Variants in FOXP2 observed in about 807,000 individuals in gnomAD.
FOXP2 encodes forkhead box protein P2.
FOXP2 carries 12 observed loss-of-function variants against 115.8 expected under a neutral mutation model. That is an observed-to-expected ratio of 0.10 (90% CI 0.07 to 0.17). The LOEUF is 0.17. Ranked by LOEUF, FOXP2 falls within the 10% of genes least tolerant of loss-of-function variation. FOXP2 has a pLI of 1.00. For missense variants in FOXP2, 629 were observed against 843.5 expected (o/e 0.75, Z 3.15); for synonymous variants, 328 against 297.7 (o/e 1.10, Z -1.05).
chr7:114,519,300 G>A (rs541294028), intron 2 of FOXP2, among the ~76,000 whole-genome samples: 71 of 152,274 alleles, frequency 4.7e-4, no homozygotes, highest in Admixed American at 6.5e-4. Context: ...TGGAATCACA[G>A]GAAGGTCCTG....
At chr7:114,254,692 G>A (rs924869261) in intron 1 of FOXP2, among the ~76,000 whole-genome samples, 8 of 152,074 alleles carry the variant, frequency 5.3e-5, no homozygotes, top group African/African-American at 1.7e-4. Flanking sequence ...TTAGCCATTC[G>A]TCTAATCTTT....
intron 16 of FOXP2, among the ~76,000 whole-genome samples, chr7:114,683,446 A>G (rs1393215331): frequency 1.3e-5 from 2 of 152,226 alleles, no homozygotes; most frequent in Non-Finnish European, 2.9e-5. Flanking sequence ...GTATGCAGAC[A>G]CTTGGACAGT....
intron 2 of FOXP2, among the ~76,000 whole-genome samples, chr7:114,385,660 C>T (rs904493986): frequency 1.3e-5 from 2 of 152,200 alleles, no homozygotes; most frequent in Non-Finnish European, 2.9e-5. Flanking sequence ...TCATTTTTAA[C>T]TGGCCAACAG....
chr7:114,163,982 TAA>T (rs1792905172), intron 1 of FOXP2, among the ~76,000 whole-genome samples: 3 of 152,312 alleles, frequency 2.0e-5, no homozygotes, highest in Admixed American at 6.5e-5. Flanking sequence ...AATGAAAACT[TAA>T]TAAAGTTGAC....
chr7:114,222,122 A>T (rs1273976911), intron 1 of FOXP2, among the ~76,000 whole-genome samples: 1 of 152,202 alleles, frequency 6.6e-6, no homozygotes, highest in Non-Finnish European at 1.5e-5. Flanking sequence ...GTTGTTTGAT[A>T]GTAATCCTGA....
chr7:114,641,108 T>C (rs1166577155), intron 6 of FOXP2, among the ~76,000 whole-genome samples: 1 of 152,206 alleles, frequency 6.6e-6, no homozygotes, highest in Non-Finnish European at 1.5e-5. Context: ...ATCACAACTT[T>C]ACCACGTAGA....
At chr7:114,097,288 C>T (rs1799673419) in intron 1 of FOXP2, among the ~76,000 whole-genome samples, 2 of 152,122 alleles carry the variant, frequency 1.3e-5, no homozygotes, top group Non-Finnish European at 2.9e-5. Context: ...TTATTCAACC[C>T]TTCCTCCCAC....
At chr7:114,332,249 T>G (rs1180057197) in intron 2 of FOXP2, among the ~76,000 whole-genome samples, 1 of 152,330 alleles carries the variant, frequency 6.6e-6, no homozygotes, top group East Asian at 1.9e-4. Context: ...TTAAATAATT[T>G]GGTTGACAAA....
chr7:114,159,511 A>T (rs1346159108), upstream of FOXP2, among the ~76,000 whole-genome samples: 1 of 152,154 alleles, frequency 6.6e-6, no homozygotes, highest in East Asian at 1.9e-4. Context: ...AGAAAAAAAC[A>T]GTAATTTATT....
At chr7:114,581,197 ATTTT>A (rs1285577535) in intron 3 of FOXP2, among the ~76,000 whole-genome samples, 1 of 118,870 alleles carries the variant, frequency 8.4e-6, no homozygotes, top group South Asian at 2.7e-4. Context: ...TTATTTATTT[ATTTT>A]GAGATGCAGT....
intron 2 of FOXP2, among the ~76,000 whole-genome samples, chr7:114,339,881 A>G (rs1429287473): frequency 3.3e-5 from 5 of 151,060 alleles, no homozygotes; most frequent in Non-Finnish European, 7.4e-5. Flanking sequence ...CAAGATAGGG[A>G]TTCTTATACT....
intron 2 of FOXP2, among the ~76,000 whole-genome samples, chr7:114,439,543 T>C (rs1794505960): frequency 6.6e-6 from 1 of 151,850 alleles, no homozygotes; most frequent in Non-Finnish European, 1.5e-5. Flanking sequence ...GTGTAAATTA[T>C]CTTATTTATT....
At chr7:114,390,672 A>G (rs1220796825) in intron 2 of FOXP2, among the ~76,000 whole-genome samples, 1 of 151,848 alleles carries the variant, frequency 6.6e-6, no homozygotes, top group African/African-American at 2.4e-5. Flanking sequence ...CTCCCACCTC[A>G]GCCTCCTGAG....
At chr7:114,241,541 G>A (rs1387538449) in intron 1 of FOXP2, among the ~76,000 whole-genome samples, 1 of 151,974 alleles carries the variant, frequency 6.6e-6, no homozygotes, top group Non-Finnish European at 1.5e-5. Context: ...CATACAGATT[G>A]GCCTTCATAT....
intron 1 of FOXP2, among the ~76,000 whole-genome samples, chr7:114,271,564 A>G (rs1796043195): frequency 7.8e-6 from 1 of 127,736 alleles, no homozygotes; most frequent in Non-Finnish European, 1.6e-5. Flanking sequence ...TATATAATAT[A>G]TAATATAATT....
chr7:114,545,772 A>G (rs1282856673), intron 3 of FOXP2, among the ~76,000 whole-genome samples: 3 of 152,100 alleles, frequency 2.0e-5, no homozygotes, highest in Admixed American at 6.6e-5. Context: ...TTTTTTCTCA[A>G]TAGGGCTTTC....
rs752426529 is a variant in FOXP2, at chr7:114,664,292, G to A, written c.1859G>A (p.Ser620Asn). The A allele has an allele frequency of 1.1e-5, 17 of 1,613,310 alleles. No homozygotes were observed. The highest frequency in any genetic ancestry group is 1.4e-5 in the Non-Finnish European group (16 of 1,179,642). Residue 620 changes from serine to asparagine, a missense_variant, in exon 16 of 17, where the codon AGT becomes AAT. By Grantham distance (46) the Ser-to-Asn change is conservative. Transcript: ENST00000350908. The stretch of plus-strand genomic sequence containing the variant: ...CACTAGGCTGCCTTGGCAGAGAGCA[G>A]TTTACCTTTGCTAAGTAATCCTGGA... Reference protein sequence around the residue: ...ASLQAALAESSLPLLSNPGLI... With the variant: ...ASLQAALAESNLPLLSNPGLI...
Position 114,233,545 on chromosome 7 carries a change from G to T in FOXP2, c.-101-54474G>T, listed in dbSNP as rs971574389. ...CTTCAAGGGCTATGGGAATGGAGTG[G>T]ATTAGCTGGGGCTCTGGGCTTCCTA... On this transcript the variant is annotated intron_variant, in intron 1 of 17. Transcript: ENST00000634411. Among the ~76,000 whole-genome samples, 3 of 152,232 alleles carry T rather than the reference G, an allele frequency of 2.0e-5. 1 individual carries two copies. In the South Asian group the frequency reaches 6.2e-4, roughly 31 times the overall value.
At chr7:114,458,589 C>T (rs1192644510) in intron 2 of FOXP2, among the ~76,000 whole-genome samples, 1 of 146,460 alleles carries the variant, frequency 6.8e-6, no homozygotes, top group Non-Finnish European at 1.5e-5. Flanking sequence ...CCTCTGTGGC[C>T]CAGGCTGGAG....
Sources: gnomAD v4.1 joint callset for allele counts (sites outside exome capture counted in the v4.1 genomes callset) on GRCh38, gnomAD v4.1.1 for gene constraint, MANE v1.5 for transcripts, NCBI Gene and HGNC (gene_info 2026-07-23, HGNC 2026-07-21) for gene names.